CHFR: variants seen among roughly 807,000 people sequenced by gnomAD.
CHFR encodes the protein checkpoint with forkhead and ring finger domains.
Under a neutral mutation model 87.6 loss-of-function variants are expected in CHFR, and 57 were observed. That is an observed-to-expected ratio of 0.65 (90% CI 0.53 to 0.81). The LOEUF is 0.81. CHFR is among the 30% of genes least tolerant of loss of function. The probability of loss-of-function intolerance (pLI) is 0.00; values close to 1 mark genes in which losing one functional copy is unlikely to be tolerated. For synonymous variants in CHFR, 381 were observed against 359.2 expected (o/e 1.06, Z -0.69); for missense variants, 797 against 865.8 (o/e 0.92, Z 1.00).
intron 2 of CHFR, among the ~76,000 whole-genome samples, chr12:132,880,159 C>A (rs1470620938): frequency 6.6e-6 from 1 of 152,146 alleles, no homozygotes; most frequent in East Asian, 1.9e-4. Flanking sequence ...ACTGACTTAC[C>A]ATCATGCTAT....
intron 15 of CHFR, among the ~76,000 whole-genome samples, chr12:132,846,033 C>T (rs1950814026): frequency 6.6e-6 from 1 of 151,774 alleles, no homozygotes; most frequent in African/African-American, 2.4e-5. Flanking sequence ...AAGCAGGGAG[C>T]TCTCCTCTTC....
At chr12:132,866,522 A>C (rs1243286392) in intron 6 of CHFR, 2 of 152,168 alleles carry the variant, frequency 1.3e-5, no homozygotes, top group African/African-American at 4.8e-5. Flanking sequence ...ACACACTGGA[A>C]TGTTACAACA....
chr12:132,860,738 C>G (rs1189554292), intron 7 of CHFR, among the ~76,000 whole-genome samples: 9 of 152,216 alleles, frequency 5.9e-5, no homozygotes, highest in Admixed American at 5.9e-4. Context: ...CCTACCAGGA[C>G]AGAGGGCTTT....
intron 11 of CHFR, among the ~76,000 whole-genome samples, chr12:132,852,155 T>C (rs920358010): frequency 6.6e-6 from 1 of 151,740 alleles, no homozygotes; most frequent in Non-Finnish European, 1.5e-5. Context: ...TAATTTTTTT[T>C]TTTTTTGTAT....
Position 132,841,584 on chromosome 12 carries a change from A to T in CHFR, c.1929T>A (p.His643Gln). ...TTTTGAACCTTGTCTGTTCACAGAT[A>T]TGATTGAATTTCCTGCAGGGAGAAA... is the stretch of plus-strand genomic sequence containing the variant. The part of the protein sequence containing the change: ...VKAHHAMKFN[H>Q]ICEQTRFKN The change falls in exon 18 of 18, where the codon CAT becomes CAA. Residue 643 changes from histidine (H) to glutamine (Q), a missense_variant. Around this residue, in one of 2 missense-constraint regions of CHFR, gnomAD observed 200 missense variants for 264.6 expected, o/e 0.76. Transcript: ENST00000450056. 1 of 1,613,944 alleles carries T rather than the reference A, an allele frequency of 6.2e-7. No homozygotes were observed. The highest frequency in any genetic ancestry group is 8.5e-7 in the Non-Finnish European group (1 of 1,179,810).
At chr12:132,841,739 G>T in intron 17 of CHFR, 143 bp from the exon 18 acceptor site, 1 of 736,970 alleles carries the variant, frequency 1.4e-6, no homozygotes, top group Non-Finnish European at 2.4e-6. Context: ...AAGAGTGTGT[G>T]TGCTTCTCAC....
In CHFR at chr12:132,835,720, C is replaced by T. The variant is rs964019658; in HGVS notation, c.*5834G>A. The T allele has an allele frequency of 2.8e-5, 7 of 252,244 alleles. No homozygotes were observed. The highest frequency in any genetic ancestry group is 3.6e-5 in the South Asian group (1 of 27,906). The allele number at this position is 252,244 out of a possible 1,614,324, so 15.6% of individuals were successfully genotyped here. On this transcript the variant is annotated 3_prime_UTR_variant, in exon 18 of 18. Transcript: ENST00000450056. Reference sequence around the variant, plus strand: ...TCTGTTGTTTAAGCCGCCTGTTCTGCGGCGTTTTGATCCAGCGGCCCAAGT... The same window carrying T: ...TCTGTTGTTTAAGCCGCCTGTTCTGTGGCGTTTTGATCCAGCGGCCCAAGT...
At chr12:132,870,307 G>GC (rs1951457133) in intron 5 of CHFR, among the ~76,000 whole-genome samples, 1 of 151,752 alleles carries the variant, frequency 6.6e-6, no homozygotes, top group Non-Finnish European at 1.5e-5. Flanking sequence ...AGCCGAGATC[G>GC]CGCCACTGCA....
Position 132,838,880 on chromosome 12 carries a change from C to G in CHFR, c.*2674G>C, listed in dbSNP as rs1355276417. On this transcript the variant is annotated 3_prime_UTR_variant, in exon 18 of 18. Coordinates refer to ENST00000450056, the MANE Select transcript of CHFR (RefSeq NM_001161346.2). ...GGAGTAACTGCCCTGATCTCCCTGC[C>G]TCCATAAAACACGGCTCCTTACCAC... 2 of 152,556 alleles carry G rather than the reference C, an allele frequency of 1.3e-5. No homozygotes were observed. The highest frequency in any genetic ancestry group is 4.8e-5 in the African/African-American group (2 of 41,442). 9.5% of individuals were successfully genotyped at this position (152,556 alleles called of 1,614,324 possible). A position where few individuals can be genotyped will look rare whatever the true frequency, so the allele number is the denominator to read the frequency against.
intron 9 of CHFR, among the ~76,000 whole-genome samples, chr12:132,856,908 C>T (rs1251194893): frequency 2.1e-5 from 3 of 145,172 alleles, no homozygotes; most frequent in Non-Finnish European, 4.5e-5. Context: ...GTGGAGGGAC[C>T]GCCCTCACTT....
intron 2 of CHFR, 23 bp downstream of exon 2, chr12:132,887,173 C>T: frequency 6.8e-7 from 1 of 1,461,928 alleles, no homozygotes; most frequent in Non-Finnish European, 9.0e-7. Flanking sequence ...CCCCGGCCCC[C>T]GGCCCCGGCC....
At chr12:132,845,841 C>T (rs1950810425) in intron 15 of CHFR, among the ~76,000 whole-genome samples, 1 of 152,220 alleles carries the variant, frequency 6.6e-6, no homozygotes, top group Non-Finnish European at 1.5e-5. Flanking sequence ...ACCCTCCAAG[C>T]TGGCCCCACC....
rs143642745 is a variant in CHFR, at chr12:132,836,649, G to C, written c.*4905C>G. On this transcript the variant is annotated 3_prime_UTR_variant, in exon 18 of 18. Transcript: ENST00000450056. ...CTGAGTCCATTCCTTCCACAGACAT[G>C]CACGACCAAGTGTCTGCTCTGTGTG... The C allele has an allele frequency of 4.0e-4, 182 of 456,094 alleles. 2 individuals carry two copies. Among genetic ancestry groups the C allele is most frequent in the Middle Eastern group, 2.3e-3 (7 of 3,068 alleles). The allele number at this position is 456,094 out of a possible 1,614,324, so 28.3% of individuals were successfully genotyped here. A position where few individuals can be genotyped will look rare whatever the true frequency, so the allele number is the denominator to read the frequency against.
chr12:132,849,939 G>A (rs1319684184), intron 12 of CHFR: 1 of 151,824 alleles, frequency 6.6e-6, no homozygotes, highest in Non-Finnish European at 1.5e-5. Context: ...CCTTGGCTTT[G>A]TAGACGTTAT....
At chr12:132,868,778 G>A (rs1210081008) in intron 6 of CHFR, among the ~76,000 whole-genome samples, 5 of 151,328 alleles carry the variant, frequency 3.3e-5, no homozygotes, top group African/African-American at 9.7e-5. Context: ...CAGGGGCTGG[G>A]GGGAGGGGAC....
intron 2 of CHFR, among the ~76,000 whole-genome samples, chr12:132,884,935 A>G (rs1474436519): frequency 6.6e-6 from 1 of 152,000 alleles, no homozygotes; most frequent in Non-Finnish European, 1.5e-5. Flanking sequence ...AAAATAGAAA[A>G]AAATAAGCCA....
chr12:132,868,219 C>T (rs1384058990), intron 6 of CHFR, among the ~76,000 whole-genome samples: 7 of 152,178 alleles, frequency 4.6e-5, no homozygotes, highest in Non-Finnish European at 1.0e-4. Context: ...CGGCTGGGCG[C>T]GGCAGCTCAC....
At chr12:132,877,504 G>T in intron 3 of CHFR, 51 bp downstream of exon 3, 1 of 1,291,448 alleles carries the variant, frequency 7.7e-7, no homozygotes, top group Non-Finnish European at 1.1e-6. Flanking sequence ...ACGAAGTCAG[G>T]CTTCTTAAGC....
rs79091287 is a variant in CHFR, at chr12:132,839,152, G to A, written c.*2402C>T. ...AAGACCAGCATCCTCTACAGGGCAAGTGTTCTTGTTTCTACTTTTTGGAGA... is the reference window on the plus strand; with the variant it reads ...AAGACCAGCATCCTCTACAGGGCAAATGTTCTTGTTTCTACTTTTTGGAGA... On this transcript the variant is annotated 3_prime_UTR_variant, in exon 18 of 18. Transcript: ENST00000450056. 9,189 of 152,766 alleles carry A rather than the reference G, an allele frequency of 0.06. 378 individuals carry two copies. The highest frequency in any genetic ancestry group is 0.14 in the East Asian group (707 of 5,184). The allele number at this position is 152,766 out of a possible 1,614,324, so 9.5% of individuals were successfully genotyped here.
Sources: allele counts gnomAD v4.1 joint callset (sites outside exome capture counted in the v4.1 genomes callset), GRCh38; gene constraint gnomAD v4.1.1; regional missense constraint gnomAD v4.1.1; transcripts MANE v1.5; gene names NCBI Gene and HGNC (gene_info 2026-07-23, HGNC 2026-07-21).